PRKN: variants seen among roughly 807,000 people sequenced by gnomAD.
PRKN encodes E3 ubiquitin-protein ligase parkin.
PRKN carries 56 observed loss-of-function variants against 59.5 expected under a neutral mutation model. The observed-to-expected ratio is 0.94, with a 90% CI of 0.76 to 1.18. The LOEUF (loss-of-function observed/expected upper bound fraction) is 1.18, where lower values mean the gene tolerates loss of function less well. PRKN is among the 50% of genes most tolerant of loss of function. PRKN has a pLI of 0.00. For missense variants in PRKN, 657 were observed against 596.4 expected, an observed-to-expected ratio of 1.10 and a Z score of -1.06; for synonymous variants, 250 against 222.1, an observed-to-expected ratio of 1.13 and a Z score of -1.12.
In PRKN at chr6:162,436,340, C is replaced by CT. The variant is rs201920542; in HGVS notation, c.171+6969dup. Among the ~76,000 whole-genome samples, 234 of 144,394 alleles carry CT rather than the reference C, an allele frequency of 1.6e-3. 3 individuals carry two copies. The highest frequency in any genetic ancestry group is 0.013 in the South Asian group (57 of 4,480). The allele number at this position is 144,394 out of a possible 152,430, so 94.7% of individuals were successfully genotyped here. ...ATAACCACAGCAGATCATCTGTTTC[C>CT]TTTTTTTTTTTTGAAACAGAGTCTC... On this transcript the variant is annotated intron_variant, in intron 2 of 11. Transcript: ENST00000366898.
intron 1 of PRKN, among the ~76,000 whole-genome samples, chr6:162,637,099 T>TA (rs991398226): frequency 4.7e-5 from 7 of 149,150 alleles, no homozygotes; most frequent in African/African-American, 1.2e-4. Flanking sequence ...TACTAAAAAA[T>TA]AAAAAAAAAT....
At position 161,509,772 on chromosome 6, in the gene PRKN, C is replaced by T. The variant is rs752021976; in HGVS notation, c.1083+39082G>A. ...GTGCGCGCCTGTAATCCCAGCTACT[C>T]AGGAGGCTGAAGCAGGAGAATTGCT... On this transcript the variant is annotated intron_variant, in intron 9 of 11. Transcript: ENST00000366898. Among the ~76,000 whole-genome samples the T allele has an allele frequency of 1.1e-4, 17 of 149,844 alleles. No individual in the cohort carries two copies. In the South Asian group the frequency reaches 1.5e-3, roughly 13 times the overall value.
chr6:161,449,319 A>G (rs1789624046), intron 9 of PRKN, among the ~76,000 whole-genome samples: 1 of 152,174 alleles, frequency 6.6e-6, no homozygotes, highest in Admixed American at 6.5e-5. Context: ...AACACAAGTA[A>G]CTAGGGAGAA....
In PRKN at chr6:161,434,142, T is replaced by C. The variant is rs377681715; in HGVS notation, c.1084-47265A>G. Among the ~76,000 whole-genome samples the C allele has an allele frequency of 9.9e-4, 151 of 152,290 alleles. 2 individuals carry two copies. The highest frequency in any genetic ancestry group is 3.5e-3 in the African/African-American group (145 of 41,554). On this transcript the variant is annotated intron_variant, in intron 9 of 11. Coordinates refer to ENST00000366898, the MANE Select transcript of PRKN (RefSeq NM_004562.3). Reference sequence around the variant, plus strand: ...GGTACATTGTTTTCAAAATTTTGTATGTGGGGAATATATTATTAGGAAAAC... The same window carrying C: ...GGTACATTGTTTTCAAAATTTTGTACGTGGGGAATATATTATTAGGAAAAC...
At chr6:161,452,231 A>G (rs1480119641) in intron 9 of PRKN, among the ~76,000 whole-genome samples, 1 of 152,136 alleles carries the variant, frequency 6.6e-6, no homozygotes, top group African/African-American at 2.4e-5. Flanking sequence ...GATTACAGGC[A>G]TGAGCCACTG....
Position 161,529,798 on chromosome 6 carries a change from C to G in PRKN, c.1083+19056G>C, listed in dbSNP as rs1461952173. Among the ~76,000 whole-genome samples, 1 of 152,156 alleles carries G rather than the reference C, an allele frequency of 6.6e-6. No homozygotes were observed. Among genetic ancestry groups the G allele is most frequent in the Non-Finnish European group, 1.5e-5 (1 of 68,040 alleles). On this transcript the variant is annotated intron_variant, in intron 9 of 11. Coordinates refer to ENST00000366898, the MANE Select transcript of PRKN (RefSeq NM_004562.3). This position sits in a 1 kb window ranked among gnomAD's most constrained non-coding sequence, Gnocchi z 4.4. ...GAAAATTTTTCATGGGTTACACATT[C>G]TTTCATATATTTCTCACATTTGAGA... is the stretch of plus-strand genomic sequence containing the variant.
intron 7 of PRKN, among the ~76,000 whole-genome samples, chr6:161,610,492 TACACACACACAC>T (rs370179659): frequency 1.7e-4 from 24 of 139,858 alleles, no homozygotes; most frequent in Non-Finnish European, 2.6e-4. Context: ...ATATTAATAA[TACACACACACAC>T]ACACACACAC....
At chr6:161,878,493 G>T (rs1032812020) in intron 6 of PRKN, among the ~76,000 whole-genome samples, 1 of 152,076 alleles carries the variant, frequency 6.6e-6, no homozygotes, top group Non-Finnish European at 1.5e-5. Context: ...CGCACAGTAC[G>T]AATTATTTTG....
intron 9 of PRKN, among the ~76,000 whole-genome samples, chr6:161,477,404 C>T (rs538058244): frequency 6.6e-6 from 1 of 151,726 alleles, no homozygotes; most frequent in South Asian, 2.1e-4. Flanking sequence ...ATAATCCCAG[C>T]TACTCGGAGG....
chr6:162,074,533 G>A (rs1445212917), intron 4 of PRKN, among the ~76,000 whole-genome samples: 1 of 151,728 alleles, frequency 6.6e-6, no homozygotes, highest in African/African-American at 2.4e-5. Flanking sequence ...AATGCTAGAT[G>A]ACGAGTTAGT....
chr6:162,041,677 C>T (rs1484625784), intron 5 of PRKN, among the ~76,000 whole-genome samples: 3 of 152,208 alleles, frequency 2.0e-5, no homozygotes, highest in African/African-American at 4.8e-5. Flanking sequence ...TGAAATCAGA[C>T]TAACCCATAG....
intron 4 of PRKN, among the ~76,000 whole-genome samples, chr6:162,140,074 T>C (rs952666125): frequency 2.6e-5 from 4 of 152,210 alleles, no homozygotes; most frequent in African/African-American, 9.6e-5. Context: ...AGTCACTAAA[T>C]AGTTCTGTGA....
intron 6 of PRKN, among the ~76,000 whole-genome samples, chr6:161,786,767 G>A (rs914446851): frequency 6.6e-6 from 1 of 152,100 alleles, no homozygotes; most frequent in African/African-American, 2.4e-5. Context: ...TTATCCAACA[G>A]GGATTCTTCT....
At chr6:162,174,124 T>G (rs1402987253) in intron 4 of PRKN, among the ~76,000 whole-genome samples, 2 of 152,238 alleles carry the variant, frequency 1.3e-5, no homozygotes, top group African/African-American at 4.8e-5. Context: ...ACTTTTTAAG[T>G]GCATTTTGTA....
At chr6:161,573,651 C>T (rs1179121065) in intron 7 of PRKN, among the ~76,000 whole-genome samples, 2 of 138,104 alleles carry the variant, frequency 1.4e-5, no homozygotes, top group African/African-American at 5.4e-5. Flanking sequence ...ACCCGGCAGG[C>T]GGAGCTTGCA....
chr6:162,713,435 A>C (rs1419344609), intron 1 of PRKN, among the ~76,000 whole-genome samples: 3 of 148,228 alleles, frequency 2.0e-5, no homozygotes, highest in Non-Finnish European at 3.0e-5. Flanking sequence ...TGGAGCTTGC[A>C]ATGAGCCAAG....
intron 7 of PRKN, among the ~76,000 whole-genome samples, chr6:161,634,254 C>A (rs890312194): frequency 6.6e-6 from 1 of 152,152 alleles, no homozygotes; most frequent in Non-Finnish European, 1.5e-5. Context: ...ATAGTAGACA[C>A]CCCTGGTGAG....
chr6:161,743,471 G>A (rs1157124519), intron 7 of PRKN, among the ~76,000 whole-genome samples: 6 of 151,126 alleles, frequency 4.0e-5, no homozygotes, highest in Non-Finnish European at 5.9e-5. Context: ...GAATGGTCTC[G>A]ATCTCCTGAC....
chr6:161,590,731 G>C (rs1301322445), intron 7 of PRKN, among the ~76,000 whole-genome samples: 1 of 138,646 alleles, frequency 7.2e-6, no homozygotes, highest in Non-Finnish European at 1.5e-5. Flanking sequence ...GTGAGACTCT[G>C]TCTCAAAAAA....
Sources: gnomAD v4.1 joint callset for allele counts (sites outside exome capture counted in the v4.1 genomes callset) on GRCh38, gnomAD v4.1.1 for gene constraint, Gnocchi (gnomAD v3.1) non-coding constraint, MANE v1.5 for transcripts, NCBI Gene and HGNC (gene_info 2026-07-23, HGNC 2026-07-21) for gene names.